Variants in FAT3 observed in about 807,000 individuals in gnomAD.
FAT3 encodes protocadherin Fat 3.
Under a neutral mutation model 310.2 loss-of-function variants are expected in FAT3, and 95 were observed. That is an observed-to-expected ratio of 0.31 (90% CI 0.26 to 0.36). FAT3 has a LOEUF of 0.36. Ranked by LOEUF, FAT3 falls within the 10% of genes least tolerant of loss-of-function variation. The probability of loss-of-function intolerance (pLI) is 1.00; values close to 1 mark genes in which losing one functional copy is unlikely to be tolerated. For missense variants in FAT3, 5,408 were observed against 5,715.6 expected, an observed-to-expected ratio of 0.95 and a Z score of 1.74; for synonymous variants, 2,314 against 2,192.9, an observed-to-expected ratio of 1.06 and a Z score of -1.54.
intron 3 of FAT3, among the ~76,000 whole-genome samples, chr11:92,540,368 G>T (rs1190648666): frequency 1.3e-5 from 2 of 152,144 alleles, no homozygotes; most frequent in African/African-American, 2.4e-5. Flanking sequence ...TCCTCTCCTG[G>T]ATTGATTGCA....
At chr11:92,443,115 T>A (rs1951116864) in intron 2 of FAT3, among the ~76,000 whole-genome samples, 2 of 152,212 alleles carry the variant, frequency 1.3e-5, no homozygotes, top group South Asian at 4.1e-4. Flanking sequence ...TTTTCGTGCC[T>A]TATACTTTTG....
intron 3 of FAT3, among the ~76,000 whole-genome samples, chr11:92,679,473 G>GT (rs1170916703): frequency 7.9e-5 from 12 of 151,308 alleles, no homozygotes; most frequent in African/African-American, 1.5e-4. Flanking sequence ...AGTATTTTTT[G>GT]TTTTTTTAAT....
At chr11:92,241,514 A>C (rs1864668295) in intron 1 of FAT3, among the ~76,000 whole-genome samples, 1 of 152,104 alleles carries the variant, frequency 6.6e-6, no homozygotes, top group South Asian at 2.1e-4. Flanking sequence ...AAGATATTTC[A>C]CAGAAAATGG....
chr11:92,406,264 G>A (rs1223574566), intron 2 of FAT3, among the ~76,000 whole-genome samples: 1 of 152,024 alleles, frequency 6.6e-6, no homozygotes, highest in Non-Finnish European at 1.5e-5. Context: ...TTTACCATTT[G>A]AGCCATACTT....
At chr11:92,377,695 G>C (rs1374565297) in intron 2 of FAT3, among the ~76,000 whole-genome samples, 1 of 152,120 alleles carries the variant, frequency 6.6e-6, no homozygotes, top group African/African-American at 2.4e-5. Context: ...TTGAAGGCAG[G>C]ATTTATTTCT....
At chr11:92,811,855 T>C (rs907783705) in intron 13 of FAT3, among the ~76,000 whole-genome samples, 1 of 152,216 alleles carries the variant, frequency 6.6e-6, no homozygotes, top group African/African-American at 2.4e-5. Context: ...AGATTTTAGT[T>C]CATTTTCTCA....
Position 92,541,600 on chromosome 11 carries a change from TG to T in FAT3, c.3607+16654del, listed in dbSNP as rs557514953. 5.9e-5 allele frequency among the ~76,000 whole-genome samples: 9 copies of T among 152,252 alleles called. No homozygotes were observed. The East Asian group carries it at 1.7e-3, about 29-fold the overall frequency. On this transcript the variant is annotated intron_variant, in intron 3 of 27. Transcript: ENST00000525166. ...AGAGATCATTAATCTCTTTTTAAAC[TG>T]GTTTACCCCACATTCTCAAAGTGCT...
intron 3 of FAT3, among the ~76,000 whole-genome samples, chr11:92,659,150 G>A (rs1454035602): frequency 6.6e-6 from 1 of 152,156 alleles, no homozygotes; most frequent in Non-Finnish European, 1.5e-5. Context: ...CAGAGGGAAG[G>A]TGGGCTAGCT....
rs200770594 is a variant in FAT3, at chr11:92,565,442, G to A, written c.3607+40494G>A. Reference sequence around the variant, plus strand: ...TCCAGGACCAGATGGATTCACAGCCGAATTCTACCAGAGGTACAAGGAGGA... The same window carrying A: ...TCCAGGACCAGATGGATTCACAGCCAAATTCTACCAGAGGTACAAGGAGGA... On this transcript the variant is annotated intron_variant, in intron 3 of 27. Coordinates refer to ENST00000525166, the MANE Select transcript of FAT3 (RefSeq NM_001367949.2). Among the ~76,000 whole-genome samples, 922 of 135,148 alleles carry A rather than the reference G, an allele frequency of 6.8e-3. 13 individuals are homozygous for A. In the East Asian group the frequency reaches 0.075, roughly 11 times the overall value. 88.7% of individuals were successfully genotyped at this position (135,148 alleles called of 152,430 possible).
At chr11:92,537,999 T>C (rs1180569098) in intron 3 of FAT3, among the ~76,000 whole-genome samples, 1 of 152,122 alleles carries the variant, frequency 6.6e-6, no homozygotes, top group East Asian at 1.9e-4. Context: ...ATCGATGCTA[T>C]TTGGATGTTG....
Position 92,806,461 on chromosome 11 carries a change from C to T in FAT3, c.9193C>T (p.Arg3065Ter), listed in dbSNP as rs1947509350. 6.3e-7 allele frequency: 1 copy of T among 1,575,864 alleles called. No homozygotes were observed. Among genetic ancestry groups the T allele is most frequent in the Non-Finnish European group, 8.6e-7 (1 of 1,158,780 alleles). Residue 3065 changes from arginine (R) to a stop codon, truncating the protein, a stop_gained, in exon 12 of 28, where the codon CGA becomes TGA. Transcript: ENST00000525166. LOFTEE classifies it high-confidence loss of function. ...TGATATTGGATCCAATGGATATATA[C>T]GATACTCACTCTATGGATCTGGAAA... ...DADIGSNGYI[R>*]YSLYGSGNSE...
At chr11:92,535,106 C>T (rs978253783) in intron 3 of FAT3, among the ~76,000 whole-genome samples, 14 of 152,068 alleles carry the variant, frequency 9.2e-5, no homozygotes, top group Non-Finnish European at 2.1e-4. Context: ...GTCAGAGATA[C>T]CTTTATGCTT....
chr11:92,620,366 T>C (rs1364601807), intron 3 of FAT3, among the ~76,000 whole-genome samples: 1 of 152,242 alleles, frequency 6.6e-6, no homozygotes, highest in African/African-American at 2.4e-5. Flanking sequence ...GTCTTTGGTC[T>C]AGTTGGCTTA....
chr11:92,705,971 T>C (rs1178463157), intron 4 of FAT3, among the ~76,000 whole-genome samples: 1 of 103,618 alleles, frequency 9.7e-6, no homozygotes, highest in African/African-American at 3.6e-5. Flanking sequence ...ATGGTGATGG[T>C]AGTGGCAGTG....
At position 92,524,707 on chromosome 11, in the gene FAT3, CAG is replaced by C; in HGVS notation, c.3367_3368del (p.Arg1123GlyfsTer10). On this transcript the variant is annotated frameshift_variant, in exon 3 of 28. Transcript: ENST00000525166. LOFTEE classifies it high-confidence loss of function. Reference sequence around the variant, plus strand: ...ACTGGCTAACAGTGTATGCCACAGACAGGGGCGTTGTTCCACTCTACTCCACC... The same window carrying C: ...ACTGGCTAACAGTGTATGCCACAGACGGGCGTTGTTCCACTCTACTCCACC... ...SYWLTVYATD[R>X]GVVPLYSTIE... is the part of the protein sequence containing the mutation. 1.2e-6 allele frequency: 2 copies of C among 1,613,878 alleles called. No individual in the cohort carries two copies. The highest frequency in any genetic ancestry group is 1.7e-6 in the Non-Finnish European group (2 of 1,179,844).
chr11:92,690,564 T>C (rs189048303), intron 3 of FAT3, among the ~76,000 whole-genome samples: 1 of 152,318 alleles, frequency 6.6e-6, no homozygotes, highest in Admixed American at 6.5e-5. Flanking sequence ...ATGTTGTAGC[T>C]CTTGTATATA....
At chr11:92,640,261 C>T (rs1941910737) in intron 3 of FAT3, among the ~76,000 whole-genome samples, 1 of 152,128 alleles carries the variant, frequency 6.6e-6, no homozygotes, top group Non-Finnish European at 1.5e-5. Flanking sequence ...GGCCAAGCAG[C>T]TGTGGGACAG....
At chr11:92,640,062 G>T (rs894638809) in intron 3 of FAT3, among the ~76,000 whole-genome samples, 2 of 152,016 alleles carry the variant, frequency 1.3e-5, no homozygotes, top group Admixed American at 1.3e-4. Flanking sequence ...TCAGTTCCTG[G>T]CAGTCTTCAT....
At chr11:92,350,350 A>G (rs1277338039) in intron 1 of FAT3, among the ~76,000 whole-genome samples, 2 of 142,342 alleles carry the variant, frequency 1.4e-5, no homozygotes, top group East Asian at 4.0e-4. Flanking sequence ...AAACTCCTGT[A>G]GGGATTTTTT....
Sources: allele counts gnomAD v4.1 joint callset (sites outside exome capture counted in the v4.1 genomes callset), GRCh38; gene constraint gnomAD v4.1.1; transcripts MANE v1.5; gene names NCBI Gene and HGNC (gene_info 2026-07-23, HGNC 2026-07-21).